Variants in IPO8 observed in about 807,000 individuals in gnomAD.
IPO8 encodes importin-8.
IPO8 carries 65 observed loss-of-function variants against 141.2 expected under a neutral mutation model. The observed-to-expected ratio is 0.46, with a 90% confidence interval of 0.38 to 0.57. The LOEUF (loss-of-function observed/expected upper bound fraction) is 0.57, where lower values mean the gene tolerates loss of function less well. Among genes scored for constraint, IPO8 ranks in the 20% least tolerant of loss-of-function variants. The pLI is 0.00. For missense variants in IPO8, 980 were observed against 1,246.8 expected (o/e 0.79, Z 3.22); for synonymous variants, 411 against 420.3 (o/e 0.98, Z 0.27).
In IPO8 at chr12:30,630,502, G is replaced by A; in HGVS notation, c.*358C>T. 1 of 214,164 alleles carries A rather than the reference G, an allele frequency of 4.7e-6. No individual in the cohort carries two copies. Among genetic ancestry groups the A allele is most frequent in the Non-Finnish European group, 9.1e-6 (1 of 110,008 alleles). The allele number at this position is 214,164 out of a possible 1,614,324, so 13.3% of individuals were successfully genotyped here. On this transcript the variant is annotated 3_prime_UTR_variant, in exon 25 of 25. Transcript: ENST00000256079. ...TCTGATAATTCATGTACAACAGAAG[G>A]CACTGTTATCCGCATAAATCCATTG...
intron 17 of IPO8, among the ~76,000 whole-genome samples, chr12:30,656,190 C>A (rs968560202): frequency 1.3e-5 from 2 of 152,136 alleles, no homozygotes; most frequent in Non-Finnish European, 2.9e-5. Flanking sequence ...ACACATGCCA[C>A]CACACTCAGC....
chr12:30,680,077 A>G (rs542220500), intron 5 of IPO8, among the ~76,000 whole-genome samples: 4 of 152,200 alleles, frequency 2.6e-5, no homozygotes, highest in African/African-American at 9.6e-5. Context: ...ACTACCATCA[A>G]TATGATTTCC....
At chr12:30,678,623 C>A (rs983493624) in intron 5 of IPO8, among the ~76,000 whole-genome samples, 1 of 151,882 alleles carries the variant, frequency 6.6e-6, no homozygotes, top group Admixed American at 6.6e-5. Context: ...TGTACATGTA[C>A]AAAGGTAGGA....
At chr12:30,679,134 C>T (rs1050419189) in intron 5 of IPO8, among the ~76,000 whole-genome samples, 2 of 152,150 alleles carry the variant, frequency 1.3e-5, no homozygotes, top group African/African-American at 2.4e-5. Flanking sequence ...CCACTGCACC[C>T]GGCTGCTCAT....
chr12:30,641,804 G>C (rs956235399), intron 20 of IPO8, among the ~76,000 whole-genome samples: 1 of 152,150 alleles, frequency 6.6e-6, no homozygotes, highest in Admixed American at 6.5e-5. Context: ...AAGCAAGCAA[G>C]TAATTAAGAT....
chr12:30,684,495 A>C (rs771916339), intron 2 of IPO8, 38 bp from the exon 3 acceptor site: 1 of 1,602,548 alleles, frequency 6.2e-7, no homozygotes, highest in South Asian at 1.1e-5. Context: ...GCAGTACCAA[A>C]AAGGATGGCT....
At chr12:30,694,611 G>T (rs1303101476) in intron 1 of IPO8, among the ~76,000 whole-genome samples, 2 of 152,182 alleles carry the variant, frequency 1.3e-5, no homozygotes, top group Non-Finnish European at 2.9e-5. Context: ...CGTTAAGTCT[G>T]GACTGAAGCC....
chr12:30,685,500 T>TG (rs1491588356), intron 2 of IPO8, among the ~76,000 whole-genome samples: 2 of 148,664 alleles, frequency 1.3e-5, no homozygotes, highest in Admixed American at 6.8e-5. Flanking sequence ...ACTTATAATG[T>TG]TGTGTGTGTG....
At chr12:30,641,466 A>G (rs1273154338) in intron 20 of IPO8, among the ~76,000 whole-genome samples, 1 of 148,590 alleles carries the variant, frequency 6.7e-6, no homozygotes, top group Non-Finnish European at 1.5e-5. Flanking sequence ...TGGTTCCCAT[A>G]TCCGTTACCA....
rs1186225276 is a variant in IPO8 at position 30,695,046 on chromosome 12, C to T, written c.84+518G>A. 3 of 456,542 alleles carry T rather than the reference C, an allele frequency of 6.6e-6. No homozygotes were observed. The highest frequency in any genetic ancestry group is 8.8e-6 in the Non-Finnish European group (2 of 227,256). 28.3% of individuals were successfully genotyped at this position (456,542 alleles called of 1,614,324 possible). On this transcript the variant is annotated intron_variant, in intron 1 of 24. Coordinates refer to ENST00000256079, the MANE Select transcript of IPO8 (RefSeq NM_006390.4). This position sits in a 1 kb window ranked among gnomAD's most constrained non-coding sequence, Gnocchi z 4.2. ...TATTCTTCCCAGAGCACTCTCCCAA[C>T]AGCACTGCCCAGCGCTCCGCAAAAC...
chr12:30,660,033 G>A (rs1315850119), intron 16 of IPO8, among the ~76,000 whole-genome samples: 4 of 151,964 alleles, frequency 2.6e-5, no homozygotes, highest in Admixed American at 6.6e-5. Context: ...GACCAGCCTG[G>A]CCAACGTGGT....
chr12:30,659,777 TC>T (rs2052857785), intron 16 of IPO8, among the ~76,000 whole-genome samples: 2 of 139,198 alleles, frequency 1.4e-5, no homozygotes, highest in East Asian at 4.4e-4. Flanking sequence ...ATGGCGTGAA[TC>T]CAGGAGACGG....
chr12:30,652,011 G>A (rs1027095904), intron 19 of IPO8, among the ~76,000 whole-genome samples, 181 bp downstream of exon 19: 4 of 151,864 alleles, frequency 2.6e-5, no homozygotes, highest in Admixed American at 6.6e-5. Flanking sequence ...TCATAAGCAC[G>A]ACACACAATA....
At chr12:30,642,345 T>C (rs943584202) in intron 20 of IPO8, among the ~76,000 whole-genome samples, 1 of 152,118 alleles carries the variant, frequency 6.6e-6, no homozygotes, top group Non-Finnish European at 1.5e-5. Context: ...GTGTTCACTA[T>C]CTGGACAACA....
At chr12:30,638,963 G>C (rs1054551480) in intron 21 of IPO8, among the ~76,000 whole-genome samples, 1 of 151,956 alleles carries the variant, frequency 6.6e-6, no homozygotes, top group Non-Finnish European at 1.5e-5. Context: ...GAGCCACCGC[G>C]CCCGGCCTCA....
intron 1 of IPO8, among the ~76,000 whole-genome samples, chr12:30,694,822 G>A (rs892903802): frequency 2.6e-5 from 4 of 152,224 alleles, no homozygotes; most frequent in African/African-American, 9.6e-5. Flanking sequence ...CGGTAGGGAA[G>A]AAGAAATAAG....
intron 3 of IPO8, among the ~76,000 whole-genome samples, chr12:30,682,184 G>GA (rs1221877659): frequency 2.0e-5 from 3 of 152,068 alleles, no homozygotes; most frequent in African/African-American, 4.8e-5. Flanking sequence ...CTGAATGGGG[G>GA]AAAAAATAAC....
At chr12:30,671,789 T>G (rs900401381) in intron 8 of IPO8, among the ~76,000 whole-genome samples, 3 of 144,012 alleles carry the variant, frequency 2.1e-5, no homozygotes, top group African/African-American at 4.9e-5. Flanking sequence ...TCATAAAGAC[T>G]TCTTCAAATT....
rs71052423 is a variant in IPO8, at chr12:30,671,674, C to CAAAA, written c.910-582_910-579dup. Among the ~76,000 whole-genome samples the CAAAA allele has an allele frequency of 1.6e-3, 92 of 56,466 alleles. 3 individuals are homozygous for CAAAA. Among genetic ancestry groups the CAAAA allele is most frequent in the African/African-American group, 6.4e-3 (87 of 13,632 alleles). 37.0% of individuals were successfully genotyped at this position (56,466 alleles called of 152,430 possible). On this transcript the variant is annotated intron_variant, in intron 8 of 24. Coordinates refer to ENST00000256079, the MANE Select transcript of IPO8 (RefSeq NM_006390.4). The stretch of plus-strand genomic sequence containing the variant: ...TGGGTGATAGAGCGAGACTCTGCCT[C>CAAAA]AAAAAAAAAAAAAAAAAAAAAAAAA...
Sources: gnomAD v4.1 joint callset for allele counts (sites outside exome capture counted in the v4.1 genomes callset) on GRCh38, gnomAD v4.1.1 for gene constraint, Gnocchi (gnomAD v3.1) non-coding constraint, MANE v1.5 for transcripts, NCBI Gene and HGNC (gene_info 2026-07-23, HGNC 2026-07-21) for gene names.